TAFA4: variants seen among roughly 807,000 people sequenced by gnomAD.
TAFA4 encodes chemokine-like protein TAFA-4.
Under a neutral mutation model 21.1 loss-of-function variants are expected in TAFA4, and 20 were observed. The ratio of observed to expected loss-of-function variants is 0.95; its 90% CI spans 0.67 to 1.38. The LOEUF (loss-of-function observed/expected upper bound fraction) is 1.38, where lower values mean the gene tolerates loss of function less well. Ranked by LOEUF, TAFA4 falls within the 40% of genes most tolerant of loss-of-function variation. The pLI is 0.00. For synonymous variants in TAFA4, 71 were observed against 67.4 expected, an observed-to-expected ratio of 1.05 and a Z score of -0.26; for missense variants, 211 against 180.9, an observed-to-expected ratio of 1.17 and a Z score of -0.95.
chr3:68,842,854 G>C (rs1201571476), intron 3 of TAFA4, among the ~76,000 whole-genome samples: 1 of 150,604 alleles, frequency 6.6e-6, no homozygotes, highest in African/African-American at 2.4e-5. Context: ...AGAGGGTTTG[G>C]CGTTATTTCT....
chr3:68,911,733 C>T (rs1181170481), intron 1 of TAFA4, among the ~76,000 whole-genome samples: 1 of 152,124 alleles, frequency 6.6e-6, no homozygotes, highest in Non-Finnish European at 1.5e-5. Context: ...TAATTTAAGT[C>T]GGTATGTCAG....
At chr3:68,899,592 C>T (rs910011337) in intron 1 of TAFA4, among the ~76,000 whole-genome samples, 5 of 152,086 alleles carry the variant, frequency 3.3e-5, no homozygotes, top group Admixed American at 1.3e-4. Flanking sequence ...ATTTCTATGT[C>T]GAGTCCACAG....
chr3:68,910,878 C>A (rs2089955034), intron 1 of TAFA4, among the ~76,000 whole-genome samples: 1 of 152,108 alleles, frequency 6.6e-6, no homozygotes. Flanking sequence ...AATAAAACAT[C>A]AATAAAAGGT....
At chr3:68,919,044 C>A (rs965381622) in intron 1 of TAFA4, among the ~76,000 whole-genome samples, 6 of 152,164 alleles carry the variant, frequency 3.9e-5, no homozygotes, top group Admixed American at 3.9e-4. Context: ...ACTTAGTAGG[C>A]CTTCAATTCT....
At chr3:68,776,570 T>C (rs1703053637) in intron 3 of TAFA4, among the ~76,000 whole-genome samples, 1 of 152,094 alleles carries the variant, frequency 6.6e-6, no homozygotes, top group South Asian at 2.1e-4. Context: ...AGTTTGAGAT[T>C]CCCCCTTCTC....
chr3:68,808,350 A>T (rs1703749261), intron 3 of TAFA4, among the ~76,000 whole-genome samples: 2 of 152,126 alleles, frequency 1.3e-5, no homozygotes, highest in African/African-American at 4.8e-5. Context: ...GACCTCTCTA[A>T]TCCATCCTTC....
intron 3 of TAFA4, among the ~76,000 whole-genome samples, chr3:68,759,136 C>G (rs932142801): frequency 6.6e-6 from 1 of 152,180 alleles, no homozygotes; most frequent in South Asian, 2.1e-4. Context: ...TATCCCAGCT[C>G]AAAGGCAGTC....
At chr3:68,913,126 T>A (rs1409758251) in intron 1 of TAFA4, among the ~76,000 whole-genome samples, 1 of 152,238 alleles carries the variant, frequency 6.6e-6, no homozygotes, top group Admixed American at 6.5e-5. Context: ...ATTACTTATA[T>A]GAATAACCAC....
intron 3 of TAFA4, among the ~76,000 whole-genome samples, chr3:68,835,027 G>A (rs1243370277): frequency 6.6e-6 from 1 of 152,076 alleles, no homozygotes; most frequent in Non-Finnish European, 1.5e-5. Flanking sequence ...CACATGCAGG[G>A]GTGGGAAGTG....
intron 4 of TAFA4, among the ~76,000 whole-genome samples, chr3:68,742,026 T>TATGATTA (rs1162909439): frequency 6.6e-6 from 1 of 152,160 alleles, no homozygotes; most frequent in African/African-American, 2.4e-5. Flanking sequence ...GATCCTCCAC[T>TATGATTA]ATGATTAAAT....
At chr3:68,813,141 C>T (rs528315708) in intron 3 of TAFA4, among the ~76,000 whole-genome samples, 1 of 151,868 alleles carries the variant, frequency 6.6e-6, no homozygotes, top group African/African-American at 2.4e-5. Flanking sequence ...AACAAAGACA[C>T]AACATACCAG....
chr3:68,768,038 TACTG>T (rs1702888636), intron 3 of TAFA4, among the ~76,000 whole-genome samples: 2 of 152,136 alleles, frequency 1.3e-5, no homozygotes, highest in East Asian at 1.9e-4. Flanking sequence ...GTTATAAGAA[TACTG>T]ACTAACAATT....
chr3:68,911,410 G>A (rs2089960568), intron 1 of TAFA4, among the ~76,000 whole-genome samples: 1 of 152,192 alleles, frequency 6.6e-6, no homozygotes, highest in African/African-American at 2.4e-5. Context: ...AAAGACTTAT[G>A]TGTCAAGCAC....
At chr3:68,811,938 C>T (rs1703850100) in intron 3 of TAFA4, among the ~76,000 whole-genome samples, 1 of 152,096 alleles carries the variant, frequency 6.6e-6, no homozygotes, top group African/African-American at 2.4e-5. Context: ...GGTCGGGTTA[C>T]CCACAAAGGG....
intron 2 of TAFA4, 23 bp from the exon 3 acceptor site, chr3:68,880,868 G>T: frequency 6.3e-7 from 1 of 1,599,506 alleles, no homozygotes; most frequent in Non-Finnish European, 8.6e-7. Context: ...CAGGGCTGGA[G>T]TCAGTGAGGG....
chr3:68,735,944 A>C (rs1456080108), intron 5 of TAFA4, among the ~76,000 whole-genome samples: 1 of 152,138 alleles, frequency 6.6e-6, no homozygotes, highest in Non-Finnish European at 1.5e-5. Flanking sequence ...TAGCATCCTC[A>C]CAATGTGTGA....
intron 3 of TAFA4, among the ~76,000 whole-genome samples, chr3:68,764,709 T>C (rs912347111): frequency 6.6e-6 from 1 of 152,190 alleles, no homozygotes; most frequent in Non-Finnish European, 1.5e-5. Flanking sequence ...GGCTCTGGTT[T>C]TACTATTGCC....
At chr3:68,871,736 CAA>C (rs2089485255) in intron 3 of TAFA4, among the ~76,000 whole-genome samples, 2 of 152,026 alleles carry the variant, frequency 1.3e-5, no homozygotes, top group South Asian at 2.1e-4. Context: ...TTAAAATGGG[CAA>C]AAGAGTTGAA....
chr3:68,869,564 A>C (rs57828384), intron 3 of TAFA4, among the ~76,000 whole-genome samples: 23,459 of 152,094 alleles, frequency 0.15, 2,706 homozygotes, highest in African/African-American at 0.33. Context: ...AACATATGCA[A>C]ATCAATAAAC....
Sources: allele counts gnomAD v4.1 joint callset (sites outside exome capture counted in the v4.1 genomes callset), GRCh38; gene constraint gnomAD v4.1.1; transcripts MANE v1.5; gene names NCBI Gene and HGNC (gene_info 2026-07-23, HGNC 2026-07-21).